Variants in RANBP2 observed in about 807,000 individuals in gnomAD.
The protein encoded by RANBP2 is RAN binding protein 2, also known as E3 SUMO-protein ligase RanBP2.
A neutral mutation model predicts 303.6 loss-of-function variants in RANBP2; 57 were observed. The ratio of observed to expected loss-of-function variants is 0.19; its 90% confidence interval spans 0.15 to 0.23. RANBP2 has a LOEUF of 0.23. Among genes scored for constraint, RANBP2 ranks in the 10% least tolerant of loss-of-function variants. The probability of loss-of-function intolerance (pLI) is 1.00; values close to 1 mark genes in which losing one functional copy is unlikely to be tolerated. For missense variants in RANBP2, 3,138 were observed against 3,780.8 expected, an observed-to-expected ratio of 0.83 and a Z score of 4.46; for synonymous variants, 1,167 against 1,301.5, an observed-to-expected ratio of 0.90 and a Z score of 2.23.
At chr2:109,316,464 C>T in the RANBP2 span, among the ~76,000 whole-genome samples, 1 of 152,226 alleles carries the variant, frequency 6.6e-6, no homozygotes, top group Non-Finnish European at 1.5e-5. Flanking sequence ...TCACTACACA[C>T]AGCCTTTAAC....
At chr2:109,011,042 C>A in the RANBP2 span, among the ~76,000 whole-genome samples, 1 of 152,150 alleles carries the variant, frequency 6.6e-6, no homozygotes, top group African/African-American at 2.4e-5. Flanking sequence ...TAGTCTGGAA[C>A]CATTAAGGGA....
the RANBP2 span, among the ~76,000 whole-genome samples, chr2:109,473,383 T>C: frequency 6.6e-6 from 1 of 152,144 alleles, no homozygotes; most frequent in East Asian, 1.9e-4. Context: ...GGGCGTGCTC[T>C]GAGGCCCCCA....
At chr2:108,738,533 G>A (rs1376477281) in intron 6 of RANBP2, among the ~76,000 whole-genome samples, 2 of 151,700 alleles carry the variant, frequency 1.3e-5, no homozygotes, top group Non-Finnish European at 2.9e-5. Context: ...CTGTATGTGG[G>A]TTATTTCTAT....
chr2:108,810,203 G>A, the RANBP2 span, among the ~76,000 whole-genome samples: 1 of 152,170 alleles, frequency 6.6e-6, no homozygotes. Context: ...GTGAGAATGA[G>A]CATCCTTGTC....
At chr2:109,343,341 T>G in the RANBP2 span, among the ~76,000 whole-genome samples, 2 of 152,186 alleles carry the variant, frequency 1.3e-5, no homozygotes, top group Non-Finnish European at 2.9e-5. Context: ...CCAAATAAAC[T>G]GCCTCTCGGC....
At chr2:109,486,616 C>T in the RANBP2 span, among the ~76,000 whole-genome samples, 1 of 152,276 alleles carries the variant, frequency 6.6e-6, no homozygotes, top group East Asian at 1.9e-4. Flanking sequence ...CAGATGGTAC[C>T]CTTCCAAAGG....
the RANBP2 span, among the ~76,000 whole-genome samples, chr2:109,384,547 C>T: frequency 3.9e-5 from 6 of 151,924 alleles, no homozygotes; most frequent in African/African-American, 1.2e-4. Flanking sequence ...CAGGGGTTCC[C>T]GCAGGTCACT....
At chr2:109,679,434 T>TGTGTA in the RANBP2 span, among the ~76,000 whole-genome samples, 1 of 152,256 alleles carries the variant, frequency 6.6e-6, no homozygotes, top group African/African-American at 2.4e-5. Context: ...TGTATGTATG[T>TGTGTA]GTGTACATAT....
At chr2:109,557,271 G>C in the RANBP2 span, among the ~76,000 whole-genome samples, 1 of 152,126 alleles carries the variant, frequency 6.6e-6, no homozygotes, top group Non-Finnish European at 1.5e-5. Flanking sequence ...CACTTGAGTT[G>C]TTCACAAGGA....
At chr2:108,726,632 A>T (rs72833188) in intron 1 of RANBP2, among the ~76,000 whole-genome samples, 11,734 of 151,354 alleles carry the variant, frequency 0.078, 595 homozygotes, top group Middle Eastern at 0.12. Flanking sequence ...TATTATTATT[A>T]TTTTTTTAAT....
the RANBP2 span, among the ~76,000 whole-genome samples, chr2:108,933,989 T>A: frequency 2.0e-5 from 3 of 152,140 alleles, no homozygotes; most frequent in African/African-American, 7.2e-5. Context: ...AAGAACCATA[T>A]GAATGGTTTC....
chr2:109,515,160 G>A, the RANBP2 span, among the ~76,000 whole-genome samples: 3 of 152,290 alleles, frequency 2.0e-5, no homozygotes, highest in African/African-American at 4.8e-5. Flanking sequence ...GACCAATGGC[G>A]GCCAGGGCCA....
chr2:109,500,676 C>T, the RANBP2 span, among the ~76,000 whole-genome samples: 9 of 152,144 alleles, frequency 5.9e-5, no homozygotes, highest in Admixed American at 5.2e-4. Context: ...AGGTTAGGCA[C>T]GGTGGCTCAT....
In RANBP2 at chr2:108,780,787, G is replaced by A. The variant is rs1389760852; in HGVS notation, c.8600-482G>A. ...TGCAATGGTGCCATCTTGGCTCACC[G>A]CAACCTCCGCCTCCTGGGTTCAAGC... On this transcript the variant is annotated intron_variant, in intron 25 of 28. Transcript: ENST00000283195. Among the ~76,000 whole-genome samples, 9 of 151,058 alleles carry A rather than the reference G, an allele frequency of 6.0e-5. No individual in the cohort carries two copies. In the South Asian group the frequency reaches 6.3e-4, roughly 11 times the overall value.
chr2:108,942,165 G>T, the RANBP2 span, among the ~76,000 whole-genome samples: 2,356 of 152,288 alleles, frequency 0.015, 23 homozygotes, highest in South Asian at 0.03. Context: ...AGCGCCAGAC[G>T]TGTCACTAAA....
the RANBP2 span, among the ~76,000 whole-genome samples, chr2:109,556,168 T>C: frequency 1.3e-5 from 2 of 152,202 alleles, no homozygotes; most frequent in Non-Finnish European, 2.9e-5. Context: ...ACTCTACCAG[T>C]AGCTGCCCTT....
chr2:108,928,825 AGTGTTCCC>A, the RANBP2 span, among the ~76,000 whole-genome samples: 4 of 152,228 alleles, frequency 2.6e-5, no homozygotes, highest in African/African-American at 9.7e-5. Context: ...GCTTCCCCAG[AGTGTTCCC>A]AGGATACTAA....
the RANBP2 span, among the ~76,000 whole-genome samples, chr2:109,016,142 C>T: frequency 3.3e-5 from 5 of 152,160 alleles, no homozygotes; most frequent in Admixed American, 6.5e-5. Context: ...ACTGCAGTGG[C>T]GTGATCTTGG....
At chr2:109,367,143 T>TA in the RANBP2 span, among the ~76,000 whole-genome samples, 2 of 139,542 alleles carry the variant, frequency 1.4e-5, no homozygotes, top group Admixed American at 7.3e-5. Flanking sequence ...TTTTTTTTTT[T>TA]AGTAGAGACA....
Sources: allele counts gnomAD v4.1 joint callset (sites outside exome capture counted in the v4.1 genomes callset), GRCh38; gene constraint gnomAD v4.1.1; transcripts MANE v1.5; gene names NCBI Gene and HGNC (gene_info 2026-07-23, HGNC 2026-07-21).